The following PCDHA4 variants were observed in gnomAD, a reference collection of about 807,000 sequenced individuals.
PCDHA4 encodes the protein protocadherin alpha 4, also known as protocadherin alpha-4.
Under a neutral mutation model 61.4 loss-of-function variants are expected in PCDHA4, and 49 were observed. The observed-to-expected ratio is 0.80, with a 90% CI of 0.63 to 1.01. The LOEUF (loss-of-function observed/expected upper bound fraction) is 1.01, where lower values mean the gene tolerates loss of function less well. Ranked by LOEUF, PCDHA4 falls within the 50% of genes least tolerant of loss-of-function variation. PCDHA4 has a pLI of 0.00. For missense variants in PCDHA4, 1,254 were observed against 1,235.8 expected, an observed-to-expected ratio of 1.01 and a Z score of -0.22; for synonymous variants, 590 against 550.3, an observed-to-expected ratio of 1.07 and a Z score of -1.01.
At chr5:140,911,271 C>G (rs2075400243) in intron 1 of PCDHA4, among the ~76,000 whole-genome samples, 1 of 152,072 alleles carries the variant, frequency 6.6e-6, no homozygotes, top group Non-Finnish European at 1.5e-5. Flanking sequence ...TCTCAGTGTC[C>G]CCAGCTTCAT....
At chr5:140,817,791 A>T (rs1003128393) in intron 1 of PCDHA4, among the ~76,000 whole-genome samples, 1 of 152,192 alleles carries the variant, frequency 6.6e-6, no homozygotes, top group Admixed American at 6.5e-5. Flanking sequence ...GCCTGCTGGT[A>T]AAGAAACCTT....
Position 140,908,264 on chromosome 5 carries a change from C to T in PCDHA4, c.2386-70685C>T, listed in dbSNP as rs184452768. Among the ~76,000 whole-genome samples the T allele has an allele frequency of 2.1e-4, 32 of 152,244 alleles. 1 individual carries two copies. Among genetic ancestry groups the T allele is most frequent in the African/African-American group, 6.3e-4 (26 of 41,538 alleles). Reference sequence around the variant, plus strand: ...CCTCATCAACTGATCATAGGGAACTCCCCATGAGGCCATTGTTGCAAGCTG... The same window carrying T: ...CCTCATCAACTGATCATAGGGAACTTCCCATGAGGCCATTGTTGCAAGCTG... On this transcript the variant is annotated intron_variant, in intron 1 of 3. Coordinates refer to ENST00000530339, the MANE Select transcript of PCDHA4 (RefSeq NM_018907.4).
intron 1 of PCDHA4, chr5:140,809,778 A>G: frequency 1.9e-6 from 1 of 519,568 alleles, no homozygotes; most frequent in Non-Finnish European, 3.3e-6. Flanking sequence ...TATTCAATGC[A>G]TATTAACAGA....
chr5:140,902,650 G>C (rs868917041), intron 1 of PCDHA4, among the ~76,000 whole-genome samples: 5 of 152,138 alleles, frequency 3.3e-5, no homozygotes, highest in Admixed American at 1.3e-4. Context: ...AGATTTTGGT[G>C]CACCTGTCAC....
In PCDHA4 at chr5:140,823,672, A is replaced by G. The variant is rs946828045; in HGVS notation, c.2385+14100A>G. 6 of 1,614,048 alleles carry G rather than the reference A, an allele frequency of 3.7e-6. No individual in the cohort carries two copies. Among genetic ancestry groups the G allele is most frequent in the Non-Finnish European group, 5.1e-6 (6 of 1,179,960 alleles). On this transcript the variant is annotated intron_variant, in intron 1 of 3. Coordinates refer to ENST00000530339, the MANE Select transcript of PCDHA4 (RefSeq NM_018907.4). Reference sequence around the variant, plus strand: ...GCTGTACACAGGCGAGATCAGCACAACACGCTCTCTGGATGAGACCGAAGC... The same window carrying G: ...GCTGTACACAGGCGAGATCAGCACAGCACGCTCTCTGGATGAGACCGAAGC...
chr5:140,924,527 G>T (rs2081885403), intron 1 of PCDHA4, among the ~76,000 whole-genome samples: 1 of 152,074 alleles, frequency 6.6e-6, no homozygotes. Context: ...AAAAGAGAAT[G>T]CCCGAGCTAC....
chr5:140,846,413 C>T (rs1209442612), intron 1 of PCDHA4, among the ~76,000 whole-genome samples: 16 of 119,220 alleles, frequency 1.3e-4, no homozygotes, highest in Non-Finnish European at 2.3e-4. Flanking sequence ...CTCGCTCTAT[C>T]TCCCAGGCTG....
intron 1 of PCDHA4, chr5:140,822,738 C>A: frequency 1.9e-6 from 3 of 1,613,298 alleles, no homozygotes; most frequent in Non-Finnish European, 2.5e-6. Context: ...ATATTGATGC[C>A]ATGGATAAAA....
chr5:140,998,781 C>G (rs1554256464), intron 3 of PCDHA4, among the ~76,000 whole-genome samples: 1 of 152,162 alleles, frequency 6.6e-6, no homozygotes, highest in East Asian at 1.9e-4. Context: ...TCAGGCTGGT[C>G]TGGAACCCCT....
intron 1 of PCDHA4, chr5:140,823,010 T>C (rs1289602070): frequency 1.2e-5 from 20 of 1,614,120 alleles, no homozygotes; most frequent in Non-Finnish European, 1.6e-5. Flanking sequence ...GACAGCGCCC[T>C]GGACCGCGAG....
chr5:140,910,183 A>C (rs2074920018), intron 1 of PCDHA4, among the ~76,000 whole-genome samples: 1 of 152,238 alleles, frequency 6.6e-6, no homozygotes, highest in Non-Finnish European at 1.5e-5. Context: ...TTTATAATTC[A>C]AATTAGTCTT....
At chr5:140,916,323 C>G (rs1035282237) in intron 1 of PCDHA4, among the ~76,000 whole-genome samples, 2 of 152,210 alleles carry the variant, frequency 1.3e-5, no homozygotes. Flanking sequence ...ACAAAGTCCC[C>G]TTTACTTTTT....
At chr5:140,867,350 T>C (rs1357404505) in intron 1 of PCDHA4, 1 of 152,128 alleles carries the variant, frequency 6.6e-6, no homozygotes, top group African/African-American at 2.4e-5. Flanking sequence ...GCTACTATGA[T>C]TGATTATTTT....
chr5:140,825,404 A>T (rs1554130224), intron 1 of PCDHA4: 1 of 146,194 alleles, frequency 6.8e-6, no homozygotes, highest in Non-Finnish European at 1.5e-5. Context: ...AATATATTAT[A>T]TATTTTATAT....
intron 1 of PCDHA4, among the ~76,000 whole-genome samples, chr5:140,956,473 A>G (rs1269855039): frequency 1.1e-4 from 17 of 152,136 alleles, no homozygotes; most frequent in Admixed American, 1.1e-3. Context: ...CATATGTTGA[A>G]CCAGTCTTGC....
chr5:140,835,340 A>G (rs1371030036), intron 1 of PCDHA4: 2 of 1,613,678 alleles, frequency 1.2e-6, no homozygotes, highest in Admixed American at 1.7e-5. Context: ...ACAAGATCCC[A>G]GTCGAGGCTG....
intron 1 of PCDHA4, among the ~76,000 whole-genome samples, chr5:140,916,378 A>C (rs772984424): frequency 6.6e-6 from 1 of 152,158 alleles, no homozygotes; most frequent in Non-Finnish European, 1.5e-5. Flanking sequence ...TGTAGCCACC[A>C]CAACTAGGAA....
chr5:140,892,489 G>A (rs1554185225), intron 1 of PCDHA4, among the ~76,000 whole-genome samples: 1 of 152,180 alleles, frequency 6.6e-6, no homozygotes, highest in Non-Finnish European at 1.5e-5. Context: ...CCAAACATGA[G>A]AGATTGTTTA....
intron 1 of PCDHA4, among the ~76,000 whole-genome samples, chr5:140,837,757 A>G (rs1220991667): frequency 6.6e-6 from 1 of 151,692 alleles, no homozygotes; most frequent in Non-Finnish European, 1.5e-5. Flanking sequence ...GCCCACTGCA[A>G]CCTGAAAGTC....
Sources: allele counts gnomAD v4.1 joint callset (sites outside exome capture counted in the v4.1 genomes callset), GRCh38; gene constraint gnomAD v4.1.1; transcripts MANE v1.5; gene names NCBI Gene and HGNC (gene_info 2026-07-23, HGNC 2026-07-21).